Variants in RELN observed in about 807,000 individuals in gnomAD.
The protein encoded by RELN is reelin.
Under a neutral mutation model 427.6 loss-of-function variants are expected in RELN, and 108 were observed. The observed-to-expected ratio is 0.25, with a 90% CI of 0.22 to 0.30. RELN has a LOEUF of 0.30. Ranked by LOEUF, RELN falls within the 10% of genes least tolerant of loss-of-function variation. The pLI, the probability that RELN is intolerant of heterozygous loss-of-function variation, is 1.00. For missense variants in RELN, 3,715 were observed against 4,302.8 expected (o/e 0.86, Z 3.82); for synonymous variants, 1,524 against 1,513.4 (o/e 1.01, Z -0.16).
intron 8 of RELN, among the ~76,000 whole-genome samples, chr7:103,710,995 G>A (rs1789781823): frequency 6.6e-6 from 1 of 152,162 alleles, no homozygotes. Context: ...AGTGAGCCGA[G>A]AGCACGCCAC....
intron 63 of RELN, among the ~76,000 whole-genome samples, chr7:103,481,067 C>A (rs1352722727): frequency 6.6e-6 from 1 of 152,160 alleles, no homozygotes; most frequent in African/African-American, 2.4e-5. Flanking sequence ...GCCTCTAAGG[C>A]AGCATGTTGA....
intron 3 of RELN, among the ~76,000 whole-genome samples, chr7:103,830,438 TA>T (rs1162620481): frequency 1.3e-5 from 2 of 151,974 alleles, no homozygotes; most frequent in African/African-American, 4.8e-5. Context: ...TAATCTTTCT[TA>T]CCTTAAAAAG....
intron 45 of RELN, among the ~76,000 whole-genome samples, chr7:103,537,549 C>T (rs1775640743): frequency 6.6e-6 from 1 of 152,178 alleles, no homozygotes; most frequent in Admixed American, 6.5e-5. Context: ...GCTGCACCAG[C>T]CTGTATAGAA....
intron 3 of RELN, among the ~76,000 whole-genome samples, chr7:103,783,287 G>T (rs1350426930): frequency 6.6e-6 from 1 of 150,486 alleles, no homozygotes; most frequent in Non-Finnish European, 1.5e-5. Context: ...AAAACGTACA[G>T]TGCATTCTAA....
intron 3 of RELN, among the ~76,000 whole-genome samples, chr7:103,831,446 A>G (rs1793271879): frequency 7.6e-6 from 1 of 131,422 alleles, no homozygotes; most frequent in Admixed American, 7.5e-5. Context: ...AGAAAAGACA[A>G]TAACTTAATT....
At position 103,572,033 on chromosome 7, in the gene RELN, T is replaced by C. The variant is rs534702543; in HGVS notation, c.4588+151A>G. Reference sequence around the variant, plus strand: ...CAAGAAATCTTAGAGATCTTGGCTCTGTGCAGCCACCGATTCTACAAAGCA... The same window carrying C: ...CAAGAAATCTTAGAGATCTTGGCTCCGTGCAGCCACCGATTCTACAAAGCA... On this transcript the variant is annotated intron_variant, in intron 31 of 64. Transcript: ENST00000428762. 1.9e-5 allele frequency: 13 copies of C among 670,962 alleles called. No individual in the cohort carries two copies. In the African/African-American group the frequency reaches 2.0e-4, roughly 10 times the overall value. The allele number at this position is 670,962 out of a possible 1,614,324, so 41.6% of individuals were successfully genotyped here.
intron 3 of RELN, among the ~76,000 whole-genome samples, chr7:103,827,615 C>T (rs1195115708): frequency 6.6e-6 from 1 of 151,852 alleles, no homozygotes; most frequent in East Asian, 1.9e-4. Flanking sequence ...TTGTTCAAGC[C>T]TAACTGGCTA....
intron 3 of RELN, among the ~76,000 whole-genome samples, chr7:103,795,640 A>G (rs1792281320): frequency 6.6e-6 from 1 of 152,178 alleles, no homozygotes; most frequent in Non-Finnish European, 1.5e-5. Context: ...GAACTTCACT[A>G]CTTTGTTTTT....
intron 3 of RELN, among the ~76,000 whole-genome samples, chr7:103,816,453 A>C (rs1792871248): frequency 6.6e-6 from 1 of 152,054 alleles, no homozygotes; most frequent in African/African-American, 2.4e-5. Flanking sequence ...AATGTGAAAA[A>C]ATCAATATGC....
chr7:103,831,956 C>A (rs39363), intron 3 of RELN, among the ~76,000 whole-genome samples: 55,758 of 151,864 alleles, frequency 0.37, 10,628 homozygotes, highest in Non-Finnish European at 0.42. Flanking sequence ...ATCATCTTAG[C>A]AAAACATACT....
rs1277411948 is a variant in RELN at position 103,862,436 on chromosome 7, T to TATCTATCC, written c.338-28765_338-28764insGGATAGAT. 8.6e-5 allele frequency among the ~76,000 whole-genome samples: 13 copies of TATCTATCC among 151,978 alleles called. No individual in the cohort carries two copies. In the South Asian group the frequency reaches 2.7e-3, roughly 32 times the overall value. On this transcript the variant is annotated intron_variant, in intron 2 of 64. Coordinates refer to ENST00000428762, the MANE Select transcript of RELN (RefSeq NM_005045.4). The stretch of plus-strand genomic sequence containing the variant: ...CTATCTATCTATCTATCTATCTATC[T>TATCTATCC]ATCTATCTATCTATCTATCTATCTA...
At chr7:103,628,325 A>T (rs1313128921) in intron 20 of RELN, 1 of 152,216 alleles carries the variant, frequency 6.6e-6, no homozygotes, top group East Asian at 1.9e-4. Flanking sequence ...GGTTGCAGTG[A>T]GTTGAGATCG....
chr7:103,707,359 T>C (rs1197788407), intron 8 of RELN, among the ~76,000 whole-genome samples: 5 of 152,126 alleles, frequency 3.3e-5, no homozygotes, highest in Non-Finnish European at 7.4e-5. Flanking sequence ...AGAAAAGTAA[T>C]ATCCCAACAT....
intron 4 of RELN, among the ~76,000 whole-genome samples, chr7:103,765,279 C>T (rs1206747826): frequency 1.3e-5 from 2 of 152,108 alleles, no homozygotes; most frequent in Non-Finnish European, 2.9e-5. Flanking sequence ...AGAGGAACAC[C>T]ATTCCACTAA....
chr7:103,683,245 G>A lies in RELN; in HGVS notation c.1144-984C>T, dbSNP rs546082227. ...GGGACTGTGAGTTCTGTAGGGCAAG[G>A]ACAATGTCCATTTTGTTCCTTGTTA... On this transcript the variant is annotated intron_variant, in intron 10 of 64. Coordinates refer to ENST00000428762, the MANE Select transcript of RELN (RefSeq NM_005045.4). Among the ~76,000 whole-genome samples, 101 of 152,124 alleles carry A rather than the reference G, an allele frequency of 6.6e-4. 1 individual carries two copies. The highest frequency in any genetic ancestry group is 1.1e-3 in the Non-Finnish European group (73 of 68,022).
At chr7:103,475,671 T>G (rs1828009311) in intron 64 of RELN, among the ~76,000 whole-genome samples, 2 of 152,188 alleles carry the variant, frequency 1.3e-5, no homozygotes, top group Non-Finnish European at 2.9e-5. Flanking sequence ...ACATTCAGTT[T>G]TAACAAAACT....
chr7:103,487,604 G>A (rs914643144), intron 60 of RELN, among the ~76,000 whole-genome samples: 5 of 152,050 alleles, frequency 3.3e-5, no homozygotes, highest in Admixed American at 6.5e-5. Context: ...GCTCATGTCC[G>A]TATTTGCCGT....
intron 8 of RELN, among the ~76,000 whole-genome samples, chr7:103,714,123 GC>G (rs2115862274): frequency 6.6e-6 from 1 of 152,164 alleles, no homozygotes; most frequent in Admixed American, 6.5e-5. Flanking sequence ...TTGTTTTCAT[GC>G]TGTTTTATTC....
intron 2 of RELN, among the ~76,000 whole-genome samples, chr7:103,909,821 TA>T (rs1795321286): frequency 3.4e-5 from 2 of 58,220 alleles, no homozygotes; most frequent in Non-Finnish European, 7.0e-5. Flanking sequence ...ATATTATATA[TA>T]AAATATATAT....
Sources: allele counts gnomAD v4.1 joint callset (sites outside exome capture counted in the v4.1 genomes callset), GRCh38; gene constraint gnomAD v4.1.1; transcripts MANE v1.5; gene names NCBI Gene and HGNC (gene_info 2026-07-23, HGNC 2026-07-21).